Variants in BACH2 observed in about 807,000 individuals in gnomAD.
BACH2 encodes the protein transcription regulator protein BACH2.
In BACH2, 5 loss-of-function variants were observed where a neutral mutation model predicts 61.8. The ratio of observed to expected loss-of-function variants is 0.08; its 90% confidence interval spans 0.04 to 0.17. The LOEUF is 0.17. Among genes scored for constraint, BACH2 ranks in the 10% least tolerant of loss-of-function variants. BACH2 has a pLI of 1.00. For synonymous variants in BACH2, 446 were observed against 440.1 expected (o/e 1.01, Z -0.17); for missense variants, 824 against 1,091.1 (o/e 0.76, Z 3.45).
At chr6:90,177,713 C>T (rs1768026820) in intron 4 of BACH2, among the ~76,000 whole-genome samples, 2 of 152,124 alleles carry the variant, frequency 1.3e-5, no homozygotes, top group African/African-American at 2.4e-5. Context: ...TCTGGTTCTG[C>T]CACTGATTAA....
chr6:90,085,083 T>C (rs1440186707), intron 5 of BACH2, among the ~76,000 whole-genome samples: 1 of 152,128 alleles, frequency 6.6e-6, no homozygotes, highest in African/African-American at 2.4e-5. Context: ...GTGAGTTCCA[T>C]CCTGTGTGTT....
At chr6:90,074,084 C>G (rs995785225) in intron 5 of BACH2, among the ~76,000 whole-genome samples, 3 of 152,170 alleles carry the variant, frequency 2.0e-5, no homozygotes, top group Non-Finnish European at 4.4e-5. Flanking sequence ...TTCCTTAGAA[C>G]AGAAATTGCT....
intron 4 of BACH2, among the ~76,000 whole-genome samples, chr6:90,118,889 C>G (rs1783509943): frequency 1.3e-5 from 2 of 152,148 alleles, no homozygotes; most frequent in Non-Finnish European, 2.9e-5. Flanking sequence ...CTACCTATAT[C>G]TAGAAAATGT....
intron 4 of BACH2, among the ~76,000 whole-genome samples, chr6:90,098,287 C>G (rs537894553): frequency 2.0e-5 from 3 of 152,110 alleles, no homozygotes; most frequent in Admixed American, 1.3e-4. Context: ...CCCCCGCAAC[C>G]CCCACCCTTC....
intron 4 of BACH2, among the ~76,000 whole-genome samples, chr6:90,136,879 C>T (rs1582407629): frequency 6.7e-6 from 1 of 149,552 alleles, no homozygotes; most frequent in African/African-American, 2.5e-5. Flanking sequence ...AAATAGGATA[C>T]AAGGAAATTA....
At chr6:90,264,554 C>G (rs1582547187) in intron 2 of BACH2, among the ~76,000 whole-genome samples, 1 of 152,138 alleles carries the variant, frequency 6.6e-6, no homozygotes, top group African/African-American at 2.4e-5. Flanking sequence ...ATTGTAAATG[C>G]ATTTCTTGAG....
At chr6:89,961,072 T>A (rs1774717508) in intron 6 of BACH2, among the ~76,000 whole-genome samples, 1 of 152,170 alleles carries the variant, frequency 6.6e-6, no homozygotes, top group Non-Finnish European at 1.5e-5. Flanking sequence ...TATGTGGCGC[T>A]CATAATTTTC....
chr6:90,248,399 C>G (rs567438026), intron 3 of BACH2, among the ~76,000 whole-genome samples: 1 of 152,028 alleles, frequency 6.6e-6, no homozygotes, highest in African/African-American at 2.4e-5. Context: ...ACAAAATAGC[C>G]GTGATCCCTA....
At chr6:90,219,220 A>C (rs1448740803) in intron 3 of BACH2, among the ~76,000 whole-genome samples, 1 of 152,214 alleles carries the variant, frequency 6.6e-6, no homozygotes, top group East Asian at 1.9e-4. Flanking sequence ...CAGCGCCTGC[A>C]GTGGGTATTA....
intron 5 of BACH2, among the ~76,000 whole-genome samples, chr6:90,070,552 A>G (rs1781178024): frequency 6.6e-6 from 1 of 151,930 alleles, no homozygotes. Flanking sequence ...TGGAGTGAGG[A>G]CTCTGATTCT....
chr6:90,211,822 C>A (rs568167511), intron 3 of BACH2, among the ~76,000 whole-genome samples: 2 of 152,134 alleles, frequency 1.3e-5, no homozygotes, highest in Non-Finnish European at 1.5e-5. Context: ...CAAGAGCAAG[C>A]AGGTCACTCT....
In BACH2 at chr6:89,932,671, T is replaced by C. The variant is rs1171097619; in HGVS notation, c.2263A>G (p.Ile755Val). Residue 755 changes from isoleucine to valine, a missense_variant, in exon 9 of 9, where the codon ATT becomes GTT. Physicochemically the swap from Ile to Val is conservative, Grantham distance 29. Around this residue, in one of 8 missense-constraint regions of BACH2, gnomAD observed 135 missense variants for 142.7 expected, o/e 0.95. Coordinates refer to ENST00000257749, the MANE Select transcript of BACH2 (RefSeq NM_021813.4). ...CCCACTGCGCATTGGGAGGCCGCAA[T>C]GTTCTGCTCAGCACCCAAGGGCGCA... ...NPAPLGAEQNIAASQCAVGEN... is the reference protein window; with the variant it reads ...NPAPLGAEQNVAASQCAVGEN... 2 of 1,614,080 alleles carry C rather than the reference T, an allele frequency of 1.2e-6. No individual in the cohort carries two copies. The highest frequency in any genetic ancestry group is 1.7e-5 in the Admixed American group (1 of 60,014).
chr6:89,987,504 A>G (rs996715451), intron 6 of BACH2, among the ~76,000 whole-genome samples: 1 of 152,166 alleles, frequency 6.6e-6, no homozygotes, highest in African/African-American at 2.4e-5. Flanking sequence ...GGCACCCTAT[A>G]AGAGTTGCCT....
chr6:89,950,728 C>G lies in BACH2; in HGVS notation c.1378G>C (p.Glu460Gln), dbSNP rs1237861810. 1.2e-6 allele frequency: 2 copies of G among 1,614,192 alleles called. No individual in the cohort carries two copies. The highest frequency in any genetic ancestry group is 1.7e-5 in the Admixed American group (1 of 60,030). ...ACCCACAGACCCTTTGGCACCGGCTCAGAGAGGTCTTTGTCCAAACTGCTC... is the reference window on the plus strand; with the variant it reads ...ACCCACAGACCCTTTGGCACCGGCTGAGAGAGGTCTTTGTCCAAACTGCTC... ...GVSSLDKDLSEPVPKGLWVGA... is the reference protein window; with the variant it reads ...GVSSLDKDLSQPVPKGLWVGA... The change falls in exon 7 of 9, where the codon GAG (glutamate) becomes CAG (glutamine). Residue 460 changes from glutamate to glutamine, a missense_variant. By Grantham distance (29) the Glu-to-Gln change is conservative (BLOSUM62 2). This residue lies in a region of BACH2 where 102 missense variants were observed against 98.1 expected (regional missense o/e 1.04). Coordinates refer to ENST00000257749, the MANE Select transcript of BACH2 (RefSeq NM_021813.4). The surrounding 1 kb of genome is among the most constrained non-coding windows in gnomAD (Gnocchi z 5.3).
Position 89,951,438 on chromosome 6 carries a change from T to C in BACH2, c.668A>G (p.Asp223Gly). 6.2e-7 allele frequency: 1 copy of C among 1,614,224 alleles called. No individual in the cohort carries two copies. Among genetic ancestry groups the C allele is most frequent in the Non-Finnish European group, 8.5e-7 (1 of 1,180,042 alleles). The change falls in exon 7 of 9, where the codon GAC (aspartate) becomes GGC (glycine). Residue 223 changes from aspartate to glycine, a missense_variant. Physicochemically the swap from Asp to Gly is moderately conservative, Grantham distance 94. This residue lies in a region of BACH2 where 19 missense variants were observed against 44.2 expected (regional missense o/e 0.43). Transcript: ENST00000257749. The surrounding 1 kb of genome is among the most constrained non-coding windows in gnomAD (Gnocchi z 6.4). ...GTATCTGGGGTACTGCGTTAACGCG[T>C]CCTTTTCTGAGCTCTCCTTGGTGTC... Reference protein sequence around the residue: ...PTDTKESSEKDALTQYPRYKK... With the variant: ...PTDTKESSEKGALTQYPRYKK...
At chr6:89,983,322 T>C (rs1776058515) in intron 6 of BACH2, among the ~76,000 whole-genome samples, 1 of 152,188 alleles carries the variant, frequency 6.6e-6, no homozygotes, top group African/African-American at 2.4e-5. Context: ...ACTTGGAACT[T>C]GTACTCCAGT....
chr6:90,169,365 C>A lies in BACH2; in HGVS notation c.-162+37204G>T, dbSNP rs1582443925. ...AGTAAAAATGGAGTCTTGGATGATG[C>A]CTTAATGATGAAAAACTCCCTCATG... On this transcript the variant is annotated intron_variant, in intron 4 of 8. Transcript: ENST00000257749. 3.9e-5 allele frequency among the ~76,000 whole-genome samples: 6 copies of A among 152,160 alleles called. No individual in the cohort carries two copies. In the South Asian group the frequency reaches 1.2e-3, roughly 32 times the overall value.
At chr6:90,001,233 G>A (rs1777117849) in intron 6 of BACH2, 1 of 152,272 alleles carries the variant, frequency 6.6e-6, no homozygotes, top group Non-Finnish European at 1.5e-5. Context: ...ATTAGGACAG[G>A]TTAGGCTTTG....
chr6:89,991,460 C>T (rs1343193436), intron 6 of BACH2, among the ~76,000 whole-genome samples: 5 of 152,098 alleles, frequency 3.3e-5, no homozygotes, highest in East Asian at 1.9e-4. Context: ...GTCCTGTTCA[C>T]GTAAGCGTGC....
Sources: allele counts gnomAD v4.1 joint callset (sites outside exome capture counted in the v4.1 genomes callset), GRCh38; gene constraint gnomAD v4.1.1; regional missense constraint gnomAD v4.1.1; non-coding constraint Gnocchi (gnomAD v3.1); transcripts MANE v1.5; gene names NCBI Gene and HGNC (gene_info 2026-07-23, HGNC 2026-07-21).